The following RPUSD4 variants were observed in gnomAD, a reference collection of about 807,000 sequenced individuals.
The protein encoded by RPUSD4 is pseudouridylate synthase RPUSD4, mitochondrial.
Under a neutral mutation model 35.4 loss-of-function variants are expected in RPUSD4, and 37 were observed. That is an observed-to-expected ratio of 1.04 (90% confidence interval 0.80 to 1.37). The LOEUF (loss-of-function observed/expected upper bound fraction) is 1.37. Among genes scored for constraint, RPUSD4 ranks in the 40% most tolerant of loss-of-function variants. The pLI is 0.00. For missense variants in RPUSD4, 507 were observed against 484.9 expected (o/e 1.05, Z -0.43); for synonymous variants, 210 against 192.7 (o/e 1.09, Z -0.74).
In RPUSD4 at chr11:126,209,525, ACTT is replaced by A; in HGVS notation, c.550_552del (p.Lys184del). 3.1e-6 allele frequency: 5 copies of A among 1,613,960 alleles called. No individual in the cohort carries two copies. The highest frequency in any genetic ancestry group is 4.2e-6 in the Non-Finnish European group (5 of 1,179,840). ...TGCCATCAGCAGGCCTCATACCAGT[ACTT>A]CTTCACCACCTGACGGGTTCTAAAC... On this transcript the variant is annotated inframe_deletion, in exon 3 of 7. Coordinates refer to ENST00000298317, the MANE Select transcript of RPUSD4 (RefSeq NM_032795.3).
chr11:126,207,738 T>C (rs1949787218), intron 3 of RPUSD4, among the ~76,000 whole-genome samples: 1 of 151,962 alleles, frequency 6.6e-6, no homozygotes, highest in Admixed American at 6.6e-5. Flanking sequence ...TAATTCCAGC[T>C]AGCTGAAACA....
rs1949818922 is a variant in RPUSD4, at chr11:126,209,656, T to A, written c.422A>T (p.His141Leu). 1 of 1,614,208 alleles carries A rather than the reference T, an allele frequency of 6.2e-7. No individual in the cohort carries two copies. The highest frequency in any genetic ancestry group is 8.5e-7 in the Non-Finnish European group (1 of 1,180,036). ...LPILAKMLHG[H>L]KAEPLHLCHR... ...GCACAGATGCAAGGGCTCTGCCTTG[T>A]GGCCATGAAGCATCTTTGCCAGGAT... Residue 141 changes from histidine (H) to leucine (L), a missense_variant, in exon 3 of 7, where the codon CAC becomes CTC. Coordinates refer to ENST00000298317, the MANE Select transcript of RPUSD4 (RefSeq NM_032795.3).
intron 6 of RPUSD4, 87 bp downstream of exon 6, chr11:126,204,144 T>A: frequency 1.1e-6 from 1 of 920,810 alleles, no homozygotes; most frequent in South Asian, 1.4e-5. Flanking sequence ...TCAGTAGGCT[T>A]TGTTGTAACT....
chr11:126,203,775 G>A (rs1949740022), intron 6 of RPUSD4, 118 bp from the exon 7 acceptor site: 1 of 1,278,998 alleles, frequency 7.8e-7, no homozygotes, highest in Admixed American at 2.7e-5. Context: ...GGAAGACACA[G>A]TAATGGAGAG....
chr11:126,202,114 T>C lies in RPUSD4; in HGVS notation c.*1304A>G, dbSNP rs564683238. On this transcript the variant is annotated 3_prime_UTR_variant, in exon 7 of 7. Coordinates refer to ENST00000298317, the MANE Select transcript of RPUSD4 (RefSeq NM_032795.3). ...TCTCGTCTGTGCTTTCAAAGTTAAA[T>C]TTATTATGCACAGTAATGGGTACCA... 1.3e-5 allele frequency: 2 copies of C among 152,288 alleles called. No individual in the cohort carries two copies. Among genetic ancestry groups the C allele is most frequent in the Admixed American group, 6.5e-5 (1 of 15,296 alleles). The allele number at this position is 152,288 out of a possible 1,614,324, so 9.4% of individuals were successfully genotyped here.
At chr11:126,211,234 T>C in intron 1 of RPUSD4, 179 bp from the exon 2 acceptor site, 3 of 902,108 alleles carry the variant, frequency 3.3e-6, no homozygotes, top group Non-Finnish European at 5.1e-6. Context: ...ACCGACGCAG[T>C]GGTTAGGACT....
Position 126,211,056 on chromosome 11 carries a change from C to A in RPUSD4, c.190-1G>T. On this transcript the variant is annotated splice_acceptor_variant, in intron 1 of 6. Coordinates refer to ENST00000298317, the MANE Select transcript of RPUSD4 (RefSeq NM_032795.3). LOFTEE classifies it high-confidence loss of function. ...TCCGCTGAACAGCGTTTGTGGACAC[C>A]TAGGGAGAAAGAAGGAGCCGTGGGG... 6.2e-7 allele frequency: 1 copy of A among 1,611,068 alleles called. No homozygotes were observed. The highest frequency in any genetic ancestry group is 8.5e-7 in the Non-Finnish European group (1 of 1,179,676).
In RPUSD4 at chr11:126,203,455, T is replaced by C. The variant is rs1344990239; in HGVS notation, c.1097A>G (p.Asn366Ser). The C allele has an allele frequency of 2.5e-6, 4 of 1,613,938 alleles. No homozygotes were observed. Among genetic ancestry groups the C allele is most frequent in the Admixed American group, 1.7e-5 (1 of 59,996 alleles). Residue 366 changes from asparagine (N) to serine (S), a missense_variant, in exon 7 of 7, where the codon AAT becomes AGT. Coordinates refer to ENST00000298317, the MANE Select transcript of RPUSD4 (RefSeq NM_032795.3). ...CAGACACTTGGCTTCATTGTTCTCA[T>C]TTTGATCCTCATTTGGCATCTCTAA... ...LRLEMPNEDQ[N>S]ENNEAKCLGA...
At position 126,203,200 on chromosome 11, in the gene RPUSD4, A is replaced by C; in HGVS notation, c.*218T>G. The C allele has an allele frequency of 1.6e-6, 1 of 610,118 alleles. No homozygotes were observed. Among genetic ancestry groups the C allele is most frequent in the Non-Finnish European group, 2.7e-6 (1 of 366,458 alleles). 37.8% of individuals were successfully genotyped at this position (610,118 alleles called of 1,614,324 possible). On this transcript the variant is annotated 3_prime_UTR_variant, in exon 7 of 7. Transcript: ENST00000298317. ...AGCAGGCTTTTCCACAGTGCAGCCA[A>C]ACTATCAGTAAATAGACTTTGTTCT...
chr11:126,206,846 T>G (rs1949779260), intron 3 of RPUSD4, among the ~76,000 whole-genome samples: 1 of 152,170 alleles, frequency 6.6e-6, no homozygotes, highest in Non-Finnish European at 1.5e-5. Flanking sequence ...CTGGTACATT[T>G]TATCGTATTT....
Position 126,203,671 on chromosome 11 carries a change from GGACA to G in RPUSD4, c.895-18_895-15del, listed in dbSNP as rs1591486891. ...CACAGACAGCTTCTATACAAAGAAA[GGACA>G]GACCCTTGAGAGCAAGGCCAACAGT... On this transcript the variant is annotated splice_polypyrimidine_tract_variant and intron_variant, in intron 6 of 6. Coordinates refer to ENST00000298317, the MANE Select transcript of RPUSD4 (RefSeq NM_032795.3). 1 of 1,604,838 alleles carries G rather than the reference GGACA, an allele frequency of 6.2e-7. No individual in the cohort carries two copies. Among genetic ancestry groups the G allele is most frequent in the East Asian group, 2.2e-5 (1 of 44,634 alleles).
chr11:126,211,083 A>G (rs1591492328), intron 1 of RPUSD4, 28 bp from the exon 2 acceptor site: 2 of 1,534,986 alleles, frequency 1.3e-6, no homozygotes, highest in Non-Finnish European at 1.7e-6. Context: ...GCCGTGGGGA[A>G]TGCCTGGTGC....
At chr11:126,211,229 C>T in intron 1 of RPUSD4, 174 bp from the exon 2 acceptor site, 1 of 935,630 alleles carries the variant, frequency 1.1e-6, no homozygotes, top group Non-Finnish European at 1.6e-6. Context: ...TGCGTACCGA[C>T]GCAGTGGTTA....
At chr11:126,209,493 C>G in intron 3 of RPUSD4, 28 bp downstream of exon 3, 1 of 1,592,856 alleles carries the variant, frequency 6.3e-7, no homozygotes. Context: ...ACTTATACCA[C>G]CTCTACTGCC....
At chr11:126,209,484 C>A (rs1329585035) in intron 3 of RPUSD4, 37 bp downstream of exon 3, 2 of 1,566,664 alleles carry the variant, frequency 1.3e-6, no homozygotes, top group East Asian at 2.2e-5. Flanking sequence ...AATGCCTCCA[C>A]TTATACCACC....
At chr11:126,210,752 A>AT in intron 2 of RPUSD4, 138 bp downstream of exon 2, 15 of 712,162 alleles carry the variant, frequency 2.1e-5, no homozygotes, top group Admixed American at 9.8e-5. Context: ...GTGGTTCCTT[A>AT]TATTGGACGG....
chr11:126,210,802 A>AATTAATTT, intron 2 of RPUSD4, 88 bp downstream of exon 2: 1 of 1,322,054 alleles, frequency 7.6e-7, no homozygotes, highest in Non-Finnish European at 1.0e-6. Context: ...GCAAGGCTTT[A>AATTAATTT]GAGTGCACCA....
chr11:126,211,375 C>T (rs967607278), intron 1 of RPUSD4, 75 bp downstream of exon 1: 4 of 1,464,474 alleles, frequency 2.7e-6, no homozygotes, highest in African/African-American at 1.4e-5. Context: ...ACTCAGAGGA[C>T]CCTCCTACCT....
intron 3 of RPUSD4, 55 bp from the exon 4 acceptor site, chr11:126,205,836 G>C: frequency 1.4e-6 from 2 of 1,409,096 alleles, no homozygotes; most frequent in Non-Finnish European, 1.9e-6. Flanking sequence ...AGAACTCCTA[G>C]ATTTGGCCAC....
Sources: gnomAD v4.1 joint callset for allele counts (sites outside exome capture counted in the v4.1 genomes callset) on GRCh38, gnomAD v4.1.1 for gene constraint, MANE v1.5 for transcripts, NCBI Gene and HGNC (gene_info 2026-07-23, HGNC 2026-07-21) for gene names.